The following DZIP1L variants were observed in gnomAD, a reference collection of about 807,000 sequenced individuals.
The protein encoded by DZIP1L is cilium assembly protein DZIP1L.
Under a neutral mutation model 88.7 loss-of-function variants are expected in DZIP1L, and 90 were observed. That is an observed-to-expected ratio of 1.02 (90% CI 0.86 to 1.21). The LOEUF (loss-of-function observed/expected upper bound fraction) is 1.21, where lower values mean the gene tolerates loss of function less well. Among genes scored for constraint, DZIP1L ranks in the 50% most tolerant of loss-of-function variants. The probability of loss-of-function intolerance (pLI) is 0.00; values close to 1 mark genes in which losing one functional copy is unlikely to be tolerated. For missense variants in DZIP1L, 932 were observed against 955.8 expected (o/e 0.98, Z 0.33); for synonymous variants, 363 against 372.1 (o/e 0.98, Z 0.28).
chr3:138,093,944 T>G (rs574543024), intron 4 of DZIP1L, among the ~76,000 whole-genome samples: 2 of 152,350 alleles, frequency 1.3e-5, no homozygotes, highest in East Asian at 3.9e-4. Flanking sequence ...AGTGGAGTAG[T>G]GCTTTGAATT....
rs909203642 is a variant in DZIP1L at position 138,092,609 on chromosome 3, C to A, written c.709-65G>T. The A allele has an allele frequency of 7.6e-6, 11 of 1,447,202 alleles. No homozygotes were observed. In the African/African-American group the frequency reaches 1.3e-4, roughly 17 times the overall value. The allele number at this position is 1,447,202 out of a possible 1,614,324, so 89.6% of individuals were successfully genotyped here. A position where few individuals can be genotyped will look rare whatever the true frequency, so the allele number is the denominator to read the frequency against. On this transcript the variant is annotated intron_variant, in intron 4 of 15. Transcript: ENST00000327532. ...CATTACAGCAAATATTTACTAAGAACCTACTTAGGCCTCCTTGTCTATGCA... is the reference window on the plus strand; with the variant it reads ...CATTACAGCAAATATTTACTAAGAAACTACTTAGGCCTCCTTGTCTATGCA...
At chr3:138,079,598 C>T (rs1192884164) in intron 10 of DZIP1L, among the ~76,000 whole-genome samples, 2 of 152,120 alleles carry the variant, frequency 1.3e-5, no homozygotes, top group African/African-American at 4.8e-5. Flanking sequence ...TGCACATATT[C>T]CCATGTAGCA....
chr3:138,087,384 G>A (rs1336957449), intron 6 of DZIP1L, among the ~76,000 whole-genome samples: 1 of 152,212 alleles, frequency 6.6e-6, no homozygotes, highest in East Asian at 1.9e-4. Context: ...TCAGAGTGGG[G>A]AAGCCCATAA....
chr3:138,078,826 T>C (rs892490460), intron 10 of DZIP1L, among the ~76,000 whole-genome samples: 2 of 152,226 alleles, frequency 1.3e-5, no homozygotes, highest in African/African-American at 4.8e-5. Flanking sequence ...ATGCTACTGG[T>C]GCCTGGAACC....
intron 2 of DZIP1L, 143 bp downstream of exon 2, chr3:138,103,328 C>T: frequency 1.1e-6 from 1 of 884,982 alleles, no homozygotes; most frequent in Non-Finnish European, 1.7e-6. Flanking sequence ...CCATGAGCAG[C>T]ATCTCTGAAA....
rs1428720417 is a variant in DZIP1L, at chr3:138,084,263, A to C, written c.1063-10T>G. On this transcript the variant is annotated splice_polypyrimidine_tract_variant and intron_variant, in intron 7 of 15. Coordinates refer to ENST00000327532, the MANE Select transcript of DZIP1L (RefSeq NM_173543.3). ...GGTTCTCCTCCTGTAGCTGGCAGGC[A>C]CAAGATGGCTGGTCAGTCAAATGTC... 1.9e-6 allele frequency: 3 copies of C among 1,612,778 alleles called. No individual in the cohort carries two copies. In the African/African-American group the frequency reaches 4.0e-5, roughly 22 times the overall value.
At chr3:138,108,117 G>A in intron 1 of DZIP1L, 2 of 785,348 alleles carry the variant, frequency 2.5e-6, no homozygotes, top group Non-Finnish European at 1.5e-6. Flanking sequence ...CCAAGTAGCT[G>A]GGACTACAGG....
intron 8 of DZIP1L, 113 bp from the exon 9 acceptor site, chr3:138,081,877 A>C: frequency 9.0e-7 from 1 of 1,115,822 alleles, no homozygotes. Flanking sequence ...AGATTCCATG[A>C]CTCACGTTGG....
chr3:138,082,650 G>A (rs985689234), intron 8 of DZIP1L, among the ~76,000 whole-genome samples: 10 of 152,226 alleles, frequency 6.6e-5, no homozygotes, highest in Middle Eastern at 3.4e-3. Flanking sequence ...CTTAAGCTTC[G>A]GTTGCTTTTT....
Position 138,092,422 on chromosome 3 carries a change from T to C in DZIP1L, c.831A>G (p.Glu277=), listed in dbSNP as rs1331412741. The change falls in exon 5 of 16, where the codon GAA becomes GAG. Residue 277 remains glutamate (E), a synonymous_variant. Coordinates refer to ENST00000327532, the MANE Select transcript of DZIP1L (RefSeq NM_173543.3). ...AGTTCTGCTTGGCGACATTTTTAAA[T>C]TCATCCCAAAATAATTTTTTTAGTT... ...IDKLKKLFWD[E]FKNVAKQNST... 6.2e-7 allele frequency: 1 copy of C among 1,605,550 alleles called. No homozygotes were observed.
intron 12 of DZIP1L, 29 bp from the exon 13 acceptor site, chr3:138,068,396 GAGT>G: frequency 6.8e-7 from 1 of 1,462,490 alleles, no homozygotes; most frequent in Non-Finnish European, 9.1e-7. Context: ...ATGATTTTTG[GAGT>G]ACACCCATGC....
chr3:138,111,677 G>A (rs538636476), intron 1 of DZIP1L, among the ~76,000 whole-genome samples: 1 of 152,258 alleles, frequency 6.6e-6, no homozygotes, highest in Admixed American at 6.5e-5. Flanking sequence ...CCAATTCTTA[G>A]ATGTCCTAGA....
At position 138,100,969 on chromosome 3, in the gene DZIP1L, C is replaced by CT. The variant is rs552529997; in HGVS notation, c.501+2501dup. ...AGAATAGGCCTGGCTCCACCAATCC[C>CT]TTGTCACACGTAGATTCAACACATG... On this transcript the variant is annotated intron_variant, in intron 2 of 15. Transcript: ENST00000327532. Among the ~76,000 whole-genome samples, 89 of 152,280 alleles carry CT rather than the reference C, an allele frequency of 5.8e-4. 1 individual carries two copies. The Middle Eastern group carries it at 0.01, about 17-fold the overall frequency.
At chr3:138,103,412 G>T in intron 2 of DZIP1L, 59 bp downstream of exon 2, 5 of 1,533,526 alleles carry the variant, frequency 3.3e-6, no homozygotes, top group Non-Finnish European at 4.4e-6. Flanking sequence ...GGCAACAGTT[G>T]CCCCAGTGGC....
Position 138,068,309 on chromosome 3 carries a change from C to T in DZIP1L, c.1674G>A (p.Leu558=). 6.3e-7 allele frequency: 1 copy of T among 1,595,456 alleles called. No individual in the cohort carries two copies. The highest frequency in any genetic ancestry group is 8.5e-7 in the Non-Finnish European group (1 of 1,170,052). Residue 558 remains leucine, a synonymous_variant, in exon 13 of 16, where the codon CTG becomes CTA. Transcript: ENST00000327532. ...TREAQPKTRT[L]QVALPSTPAE... Reference sequence around the variant, plus strand: ...CCGGTGTGGATGGCAAGGCCACCTGCAGGGTCCTGGTCTTTGGCTGGGCCT... The same window carrying T: ...CCGGTGTGGATGGCAAGGCCACCTGTAGGGTCCTGGTCTTTGGCTGGGCCT...
At chr3:138,075,569 C>T (rs113103292) in intron 11 of DZIP1L, among the ~76,000 whole-genome samples, 4,058 of 152,248 alleles carry the variant, frequency 0.027, 167 homozygotes, top group African/African-American at 0.092. Flanking sequence ...GGGTCAACAA[C>T]GAAATCAAGA....
At chr3:138,113,315 T>C (rs887836089) in intron 1 of DZIP1L, 35 of 152,160 alleles carry the variant, frequency 2.3e-4, no homozygotes, top group African/African-American at 8.4e-4. Flanking sequence ...AATAACTCCC[T>C]CAAAATTGGC....
At chr3:138,073,109 A>T (rs1943255531) in intron 11 of DZIP1L, among the ~76,000 whole-genome samples, 1 of 152,132 alleles carries the variant, frequency 6.6e-6, no homozygotes, top group African/African-American at 2.4e-5. Flanking sequence ...GACAAAGGTC[A>T]TAATCCCTTA....
chr3:138,087,136 T>C (rs890739545), intron 6 of DZIP1L, 113 bp from the exon 7 acceptor site: 3 of 873,476 alleles, frequency 3.4e-6, no homozygotes, highest in Non-Finnish European at 5.3e-6. Flanking sequence ...AGTAGTGGAA[T>C]AGAATAGAAA....
Sources: gnomAD v4.1 joint callset for allele counts (sites outside exome capture counted in the v4.1 genomes callset) on GRCh38, gnomAD v4.1.1 for gene constraint, MANE v1.5 for transcripts, NCBI Gene and HGNC (gene_info 2026-07-23, HGNC 2026-07-21) for gene names.